CDH13: variants seen among roughly 807,000 people sequenced by gnomAD.
CDH13 encodes the protein cadherin-13.
In CDH13, 24 loss-of-function variants were observed where a neutral mutation model predicts 63.8. The observed-to-expected ratio is 0.38, with a 90% confidence interval of 0.27 to 0.53. CDH13 has a LOEUF of 0.53. CDH13 is among the 20% of genes least tolerant of loss of function. CDH13 has a pLI of 0.85. For missense variants in CDH13, 1,049 were observed against 903.1 expected (o/e 1.16, Z -2.07); for synonymous variants, 503 against 355.3 (o/e 1.42, Z -4.67).
chr16:83,433,423 G>A (rs1251703084), intron 6 of CDH13, among the ~76,000 whole-genome samples: 1 of 152,152 alleles, frequency 6.6e-6, no homozygotes, highest in Non-Finnish European at 1.5e-5. Context: ...TGTGAATGTG[G>A]GCTATCATTC....
At chr16:82,656,316 T>C (rs966782478) in intron 1 of CDH13, among the ~76,000 whole-genome samples, 1 of 151,484 alleles carries the variant, frequency 6.6e-6, no homozygotes, top group African/African-American at 2.4e-5. Context: ...GGTGTGCGTG[T>C]GTGTGTGTGT....
At chr16:83,127,978 G>C (rs1218610528) in intron 4 of CDH13, among the ~76,000 whole-genome samples, 1 of 152,166 alleles carries the variant, frequency 6.6e-6, no homozygotes, top group Non-Finnish European at 1.5e-5. Context: ...TTTCCTGGGA[G>C]CCCAAGATGC....
At chr16:83,784,997 T>G (rs1483274948) in intron 13 of CDH13, among the ~76,000 whole-genome samples, 1 of 152,224 alleles carries the variant, frequency 6.6e-6, no homozygotes, top group African/African-American at 2.4e-5. Context: ...AGGCTTCTCC[T>G]GAGTCTTTTC....
chr16:83,782,712 G>C (rs374915440), intron 12 of CDH13, among the ~76,000 whole-genome samples: 15 of 150,022 alleles, frequency 1.0e-4, no homozygotes, highest in African/African-American at 3.2e-4. Context: ...CTCCAGGCTG[G>C]GCAACAGAGT....
chr16:83,126,026 C>T (rs1024810192), intron 4 of CDH13, among the ~76,000 whole-genome samples: 6 of 152,230 alleles, frequency 3.9e-5, no homozygotes, highest in Non-Finnish European at 1.5e-5. Flanking sequence ...GAAATAGTCA[C>T]TGTTAAATGT....
At chr16:82,809,494 A>C (rs556809278) in intron 1 of CDH13, among the ~76,000 whole-genome samples, 76 of 152,266 alleles carry the variant, frequency 5.0e-4, no homozygotes, top group Non-Finnish European at 8.8e-4. Flanking sequence ...ATGGCTGAGC[A>C]GCTTCTTTAA....
chr16:83,044,736 G>A (rs1170993090), intron 3 of CDH13, among the ~76,000 whole-genome samples: 1 of 152,202 alleles, frequency 6.6e-6, no homozygotes, highest in African/African-American at 2.4e-5. Context: ...CTCAGAGGTG[G>A]GTCTTAGGTC....
In CDH13 at chr16:83,748,122, A is replaced by G. The variant is rs759911494; in HGVS notation, c.1553A>G (p.Lys518Arg). The G allele has an allele frequency of 6.2e-7, 1 of 1,613,924 alleles. No homozygotes were observed. Among genetic ancestry groups the G allele is most frequent in the Non-Finnish European group, 8.5e-7 (1 of 1,179,864 alleles). Reference protein sequence around the residue: ...QHQTIRYSVYKDPAGWLNINP... With the variant: ...QHQTIRYSVYRDPAGWLNINP... ...ATTTTTTTCAGGTATTCTGTTTACAAGGACCCAGCAGGTTGGCTGAATATT... is the reference window on the plus strand; with the variant it reads ...ATTTTTTTCAGGTATTCTGTTTACAGGGACCCAGCAGGTTGGCTGAATATT... Residue 518 changes from lysine (K) to arginine (R), a missense_variant, in exon 11 of 14, where the codon AAG (lysine) becomes AGG (arginine). By Grantham distance (26) the Lys-to-Arg change is conservative. Transcript: ENST00000567109.
At chr16:83,036,874 G>A (rs572072994) in intron 3 of CDH13, among the ~76,000 whole-genome samples, 1 of 152,222 alleles carries the variant, frequency 6.6e-6, no homozygotes, top group African/African-American at 2.4e-5. Context: ...CACAAGCCAG[G>A]GTCCAGCATC....
At chr16:83,420,242 A>T (rs1175186886) in intron 6 of CDH13, among the ~76,000 whole-genome samples, 1 of 152,228 alleles carries the variant, frequency 6.6e-6, no homozygotes, top group Admixed American at 6.5e-5. Flanking sequence ...AGAGGTAATT[A>T]AAAATATGAC....
rs921675638 is a variant in CDH13 at position 83,500,955 on chromosome 16, G to A, written c.960+14300G>A. 3.9e-5 allele frequency among the ~76,000 whole-genome samples: 6 copies of A among 152,234 alleles called. No homozygotes were observed. In the East Asian group the frequency reaches 9.7e-4, roughly 25 times the overall value. ...AGTTGTGCCAGGAATCATGGCCTCC[G>A]TTAATGTTTTTAAGATTGCAGGGGA... On this transcript the variant is annotated intron_variant, in intron 7 of 13. Transcript: ENST00000567109.
At position 82,852,484 on chromosome 16, in the gene CDH13, A is replaced by T. The variant is rs1297573004; in HGVS notation, c.46-5878A>T. On this transcript the variant is annotated intron_variant, in intron 1 of 13. Transcript: ENST00000567109. ...GATAGGAGAAGAGAAGATATCATGC[A>T]GGACATTCAGGGGCCATGTCTAGAA... Among the ~76,000 whole-genome samples the T allele has an allele frequency of 2.0e-5, 3 of 152,192 alleles. No homozygotes were observed. The East Asian group carries it at 5.8e-4, about 29-fold the overall frequency.
chr16:83,779,979 G>A lies in CDH13; in HGVS notation c.1693G>A (p.Ala565Thr), dbSNP rs190049290. 56 of 1,607,730 alleles carry A rather than the reference G, an allele frequency of 3.5e-5. No individual in the cohort carries two copies. The highest frequency in any genetic ancestry group is 6.7e-5 in the African/African-American group (5 of 74,802). Residue 565 changes from alanine to threonine, a missense_variant, in exon 12 of 14, where the codon GCT becomes ACT. Transcript: ENST00000567109. Reference protein sequence around the residue: ...FLAIDSGNPPATGTGTLLITL... With the variant: ...FLAIDSGNPPTTGTGTLLITL... ...CCTTTTTCCCACAGGCAACCCTCCC[G>A]CTACGGGCACTGGGACTTTGCTGAT...
intron 1 of CDH13, among the ~76,000 whole-genome samples, chr16:82,690,317 C>G (rs1841678): frequency 0.012 from 1,790 of 152,108 alleles, 36 homozygotes; most frequent in African/African-American, 0.041. Context: ...TGTGTCAACC[C>G]TAAAGCATTG....
chr16:82,982,047 A>G (rs893227348), intron 2 of CDH13, among the ~76,000 whole-genome samples: 1 of 152,180 alleles, frequency 6.6e-6, no homozygotes, highest in Non-Finnish European at 1.5e-5. Flanking sequence ...ATGAAGCCAT[A>G]TTTCCCTGAA....
intron 1 of CDH13, among the ~76,000 whole-genome samples, chr16:82,765,738 C>T (rs1806714246): frequency 6.6e-6 from 1 of 152,158 alleles, no homozygotes; most frequent in South Asian, 2.1e-4. Flanking sequence ...CACAGTCTAA[C>T]TCTCTGAGTG....
intron 10 of CDH13, among the ~76,000 whole-genome samples, chr16:83,741,999 T>G (rs1446942517): frequency 6.6e-6 from 1 of 152,202 alleles, no homozygotes; most frequent in Non-Finnish European, 1.5e-5. Context: ...ACGAAACCAG[T>G]CCATGGTGCC....
chr16:83,306,532 G>T (rs973071517), intron 5 of CDH13, among the ~76,000 whole-genome samples: 1 of 152,152 alleles, frequency 6.6e-6, no homozygotes, highest in African/African-American at 2.4e-5. Context: ...TCTCTACCTT[G>T]TTGTGACAGC....
At chr16:83,102,819 A>G (rs961328953) in intron 3 of CDH13, among the ~76,000 whole-genome samples, 12 of 151,798 alleles carry the variant, frequency 7.9e-5, no homozygotes, top group East Asian at 1.9e-4. Flanking sequence ...TATTTTGAAG[A>G]TGGAGGTCAT....
Sources: allele counts gnomAD v4.1 joint callset (sites outside exome capture counted in the v4.1 genomes callset), GRCh38; gene constraint gnomAD v4.1.1; transcripts MANE v1.5; gene names NCBI Gene and HGNC (gene_info 2026-07-23, HGNC 2026-07-21).